CERS6: variants seen among roughly 807,000 people sequenced by gnomAD.
CERS6 encodes the protein ceramide synthase 6.
A neutral mutation model predicts 56.8 loss-of-function variants in CERS6; 26 were observed. The ratio of observed to expected loss-of-function variants is 0.46; its 90% CI spans 0.34 to 0.63. CERS6 has a LOEUF of 0.63. CERS6 is among the 30% of genes least tolerant of loss of function. The pLI, the probability that CERS6 is intolerant of heterozygous loss-of-function variation, is 0.01. For synonymous variants in CERS6, 164 were observed against 173.3 expected (o/e 0.95, Z 0.42); for missense variants, 415 against 467.5 (o/e 0.89, Z 1.04).
intron 4 of CERS6, among the ~76,000 whole-genome samples, chr2:168,671,802 A>G (rs774467481): frequency 1.3e-5 from 2 of 152,194 alleles, no homozygotes; most frequent in Non-Finnish European, 1.5e-5. Flanking sequence ...ATATTATAAA[A>G]TATGTATTTA....
At chr2:168,483,880 C>T (rs1424345007) in intron 1 of CERS6, among the ~76,000 whole-genome samples, 1 of 152,190 alleles carries the variant, frequency 6.6e-6, no homozygotes, top group Non-Finnish European at 1.5e-5. Context: ...GACCAGAAGG[C>T]TGGGTCCCAC....
chr2:168,606,000 G>C (rs1350439470), intron 3 of CERS6, among the ~76,000 whole-genome samples: 1 of 152,230 alleles, frequency 6.6e-6, no homozygotes, highest in Non-Finnish European at 1.5e-5. Flanking sequence ...ATTACTGTGA[G>C]AAGAGGGCCA....
At chr2:168,646,335 T>C (rs1685201033) in intron 4 of CERS6, among the ~76,000 whole-genome samples, 1 of 152,202 alleles carries the variant, frequency 6.6e-6, no homozygotes, top group Non-Finnish European at 1.5e-5. Context: ...GCCACATGTG[T>C]GTCTTCTTTT....
intron 4 of CERS6, among the ~76,000 whole-genome samples, chr2:168,670,974 C>CCT (rs1553506486): frequency 1.5e-5 from 1 of 68,246 alleles, no homozygotes; most frequent in Admixed American, 1.1e-4. Flanking sequence ...CTTCCCCCCC[C>CCT]CCCCCCAGAC....
chr2:168,693,830 A>T (rs1686568759), intron 5 of CERS6, among the ~76,000 whole-genome samples: 1 of 152,154 alleles, frequency 6.6e-6, no homozygotes, highest in Admixed American at 6.6e-5. Context: ...ACAAACTTTC[A>T]GTCCACAGCA....
chr2:168,657,857 T>C (rs562419036), intron 4 of CERS6, among the ~76,000 whole-genome samples: 109 of 152,346 alleles, frequency 7.2e-4, no homozygotes, highest in Non-Finnish European at 1.0e-3. Context: ...AAGTGGGCTC[T>C]GGCCTTGGCC....
intron 2 of CERS6, among the ~76,000 whole-genome samples, chr2:168,549,527 C>T (rs1015376376): frequency 2.0e-5 from 3 of 152,002 alleles, no homozygotes; most frequent in Middle Eastern, 3.4e-3. Flanking sequence ...CCCAGCTACT[C>T]GGGAGGCTGA....
intron 8 of CERS6, among the ~76,000 whole-genome samples, chr2:168,739,052 A>T (rs868647601): frequency 3.4e-5 from 3 of 87,624 alleles, no homozygotes; most frequent in African/African-American, 1.5e-4. Flanking sequence ...CACCCGGCTA[A>T]TTTTTTTTTT....
intron 8 of CERS6, among the ~76,000 whole-genome samples, chr2:168,734,615 A>G (rs931079139): frequency 6.6e-6 from 1 of 152,226 alleles, no homozygotes; most frequent in African/African-American, 2.4e-5. Context: ...TCAGTAGTCA[A>G]CGGTTAATCA....
chr2:168,482,710 C>T (rs1420021062), intron 1 of CERS6, among the ~76,000 whole-genome samples: 1 of 152,224 alleles, frequency 6.6e-6, no homozygotes, highest in East Asian at 1.9e-4. Flanking sequence ...GAGCTGAAGG[C>T]AGTTTTTCAG....
chr2:168,634,792 G>A (rs1684826479), intron 4 of CERS6, among the ~76,000 whole-genome samples: 1 of 152,150 alleles, frequency 6.6e-6, no homozygotes, highest in Non-Finnish European at 1.5e-5. Flanking sequence ...ATATACCTAT[G>A]TCTAATTTCA....
intron 1 of CERS6, among the ~76,000 whole-genome samples, chr2:168,542,501 C>G (rs181495457): frequency 3.9e-5 from 6 of 152,228 alleles, no homozygotes; most frequent in East Asian, 3.9e-4. Context: ...TCACAGCATC[C>G]CAACTATTTT....
intron 3 of CERS6, among the ~76,000 whole-genome samples, chr2:168,599,430 C>G (rs1332185934): frequency 6.6e-6 from 1 of 152,140 alleles, no homozygotes; most frequent in East Asian, 1.9e-4. Context: ...CATTTTTTCT[C>G]TGGCCCAAAA....
chr2:168,486,519 G>GTTTTTTTTTTTTTTT (rs200121622), intron 1 of CERS6, among the ~76,000 whole-genome samples: 1 of 130,974 alleles, frequency 7.6e-6, no homozygotes, highest in Non-Finnish European at 1.6e-5. Context: ...TCTAGATTTG[G>GTTTTTTTTTTTTTTT]TTTTGTTTTT....
intron 3 of CERS6, among the ~76,000 whole-genome samples, chr2:168,577,575 G>A (rs1683303799): frequency 6.6e-6 from 1 of 152,228 alleles, no homozygotes; most frequent in African/African-American, 2.4e-5. Flanking sequence ...ATGCCTGAGA[G>A]GAGAGAAATG....
rs766977442 is a variant in CERS6 at position 168,547,624 on chromosome 2, C to G, written c.199C>G (p.Leu67Val). 7.4e-6 allele frequency: 12 copies of G among 1,613,742 alleles called. No individual in the cohort carries two copies. In the Admixed American group the frequency reaches 1.0e-4, roughly 13 times the overall value. Reference sequence around the variant, plus strand: ...TGTAGCCAAACCGTGCGCCATAGCCCTCAACATTCAGGCCAATGGACCACA... The same window carrying G: ...TGTAGCCAAACCGTGCGCCATAGCCGTCAACATTCAGGCCAATGGACCACA... ...RFVAKPCAIA[L>V]NIQANGPQIA... Residue 67 changes from leucine (L) to valine (V), a missense_variant, in exon 2 of 10, where the codon CTC becomes GTC. Transcript: ENST00000305747.
At chr2:168,747,952 T>G (rs1351405752) in intron 8 of CERS6, among the ~76,000 whole-genome samples, 1 of 152,224 alleles carries the variant, frequency 6.6e-6, no homozygotes, top group Admixed American at 6.5e-5. Flanking sequence ...TTTGTATTTA[T>G]TGGATTATTA....
intron 8 of CERS6, among the ~76,000 whole-genome samples, chr2:168,757,061 A>G (rs1684434800): frequency 6.6e-6 from 1 of 152,218 alleles, no homozygotes; most frequent in Non-Finnish European, 1.5e-5. Flanking sequence ...TGAATGGGCA[A>G]AATGAAGCAA....
intron 1 of CERS6, among the ~76,000 whole-genome samples, chr2:168,481,378 C>T (rs1163045326): frequency 6.6e-6 from 1 of 152,154 alleles, no homozygotes; most frequent in Non-Finnish European, 1.5e-5. Context: ...TGTGCCACTG[C>T]ACTCCAGCCT....
Sources: gnomAD v4.1 joint callset for allele counts (sites outside exome capture counted in the v4.1 genomes callset) on GRCh38, gnomAD v4.1.1 for gene constraint, MANE v1.5 for transcripts, NCBI Gene and HGNC (gene_info 2026-07-23, HGNC 2026-07-21) for gene names.